The following TBC1D25 variants were observed in gnomAD, a reference collection of about 807,000 sequenced individuals.
The protein encoded by TBC1D25 is TBC1 domain family member 25, also known as 5SN3 snoRNA.
TBC1D25 carries 13 observed loss-of-function variants against 38.8 expected under a neutral mutation model. The observed-to-expected ratio is 0.34, with a 90% CI of 0.22 to 0.53. The LOEUF (loss-of-function observed/expected upper bound fraction) is 0.53. TBC1D25 is among the 20% of genes least tolerant of loss of function. The probability of loss-of-function intolerance (pLI) is 0.94; values close to 1 mark genes in which losing one functional copy is unlikely to be tolerated. For synonymous variants in TBC1D25, 225 were observed against 255.6 expected (o/e 0.88, Z 1.14); for missense variants, 372 against 600.0 (o/e 0.62, Z 3.97).
rs201208725 is a variant in TBC1D25 at position 48,560,841 on chromosome X, A to T, written c.1933A>T (p.Met645Leu). 1 of 1,211,442 alleles carries T rather than the reference A, an allele frequency of 8.3e-7. No individual in the cohort carries two copies. The highest frequency in any genetic ancestry group is 2.2e-5 in the Admixed American group (1 of 45,944). ...RNGLDYNELA[M>L]HFDRLVRKHH... ...TGGGCTGGATTATAATGAGCTGGCC[A>T]TGCACTTTGACCGCCTTGTGCGAAA... Residue 645 changes from methionine (M) to leucine (L), a missense_variant, in exon 6 of 6, where the codon ATG becomes TTG. By Grantham distance (15) the Met-to-Leu change is conservative (BLOSUM62 2). Transcript: ENST00000376771.
At chrX:48,548,265 GC>G (rs1412857387) in intron 3 of TBC1D25, among the ~76,000 whole-genome samples, 1 of 108,849 alleles carries the variant, frequency 9.2e-6, no homozygotes, top group African/African-American at 3.3e-5. Flanking sequence ...ATAGGCACAT[GC>G]CCCCATGCCC....
At chrX:48,550,948 C>T (rs1556983101) in intron 3 of TBC1D25, among the ~76,000 whole-genome samples, 2 of 111,415 alleles carry the variant, frequency 1.8e-5, no homozygotes, top group African/African-American at 6.5e-5. Flanking sequence ...CATGAGCCAC[C>T]GCGCCCAGCC....
At position 48,539,881 on chromosome X, in the gene TBC1D25, T is replaced by C; in HGVS notation, c.84T>C (p.Ala28=). The C allele has an allele frequency of 1.0e-6, 1 of 961,128 alleles. No individual in the cohort carries two copies. Among genetic ancestry groups the C allele is most frequent in the South Asian group, 4.7e-5 (1 of 21,099 alleles). 79.2% of individuals were successfully genotyped at this position (961,128 alleles called of 1,213,427 possible). A position where few individuals can be genotyped will look rare whatever the true frequency, so the allele number is the denominator to read the frequency against. The part of the protein sequence containing the change: ...PGVGAQAAAA[A]EEEEREVVRV... ...TGGGAGCTCAGGCGGCGGCGGCCGC[T>C]GAGGAGGAGGAGCGAGAGGTGGTGC... The change falls in exon 1 of 6, where the codon GCT becomes GCC. Residue 28 remains alanine, a synonymous_variant. Transcript: ENST00000376771.
At chrX:48,541,862 A>G (rs1287430441) in intron 2 of TBC1D25, among the ~76,000 whole-genome samples, 1 of 111,669 alleles carries the variant, frequency 9.0e-6, no homozygotes, top group Non-Finnish European at 1.9e-5. Flanking sequence ...ACAGTGTTCA[A>G]TAAATTACAT....
chrX:48,558,083 C>T (rs1464786318), intron 3 of TBC1D25, among the ~76,000 whole-genome samples: 2 of 105,603 alleles, frequency 1.9e-5, no homozygotes, highest in East Asian at 5.8e-4. Flanking sequence ...TGCATTCCAC[C>T]CTCGGTTACA....
At chrX:48,542,388 G>A (rs2061847274) in intron 2 of TBC1D25, among the ~76,000 whole-genome samples, 1 of 108,696 alleles carries the variant, frequency 9.2e-6, no homozygotes, top group African/African-American at 3.4e-5. Context: ...GGCTAGTCTC[G>A]AACACCTGAC....
chrX:48,546,292 T>C (rs1403636059), intron 3 of TBC1D25, among the ~76,000 whole-genome samples: 1 of 104,635 alleles, frequency 9.6e-6, no homozygotes, highest in East Asian at 3.1e-4. Context: ...GGCGGGCAGA[T>C]CACAAGGTCA....
At position 48,560,139 on chromosome X, in the gene TBC1D25, C is replaced by T; in HGVS notation, c.1231C>T (p.Leu411=). Residue 411 remains leucine, a synonymous_variant, in exon 6 of 6, where the codon CTG becomes TTG. Coordinates refer to ENST00000376771, the MANE Select transcript of TBC1D25 (RefSeq NM_002536.4). ...DDLFFCYRWL[L]LELKREFAFD... ...CCTCTTCTTCTGTTACCGCTGGCTGCTGCTGGAACTCAAGCGTGAGTTCGC... is the reference window on the plus strand; with the variant it reads ...CCTCTTCTTCTGTTACCGCTGGCTGTTGCTGGAACTCAAGCGTGAGTTCGC... 3.3e-6 allele frequency: 4 copies of T among 1,209,371 alleles called. No homozygotes were observed. The highest frequency in any genetic ancestry group is 4.5e-6 in the Non-Finnish European group (4 of 894,309).
chrX:48,561,048 C>T lies in TBC1D25; in HGVS notation c.*73C>T. 1 of 1,063,337 alleles carries T rather than the reference C, an allele frequency of 9.4e-7. No homozygotes were observed. The highest frequency in any genetic ancestry group is 3.1e-5 in the Admixed American group (1 of 31,903). 87.6% of individuals were successfully genotyped at this position (1,063,337 alleles called of 1,213,427 possible). ...TGCCATGAGGGCCAACACATGAGACCCCACCTCCCTCCCTGCCTGCCAGCC... is the reference window on the plus strand; with the variant it reads ...TGCCATGAGGGCCAACACATGAGACTCCACCTCCCTCCCTGCCTGCCAGCC... On this transcript the variant is annotated 3_prime_UTR_variant, in exon 6 of 6. Transcript: ENST00000376771.
rs1052031242 is a variant in TBC1D25, at chrX:48,540,361, C to T, written c.123+441C>T. ...AGACAACTAAAGAAATGAGATGCTT[C>T]GGACACTAAAATAATGAAAAAGGTT... On this transcript the variant is annotated intron_variant, in intron 1 of 5. Transcript: ENST00000376771. 2.7e-5 allele frequency among the ~76,000 whole-genome samples: 3 copies of T among 111,689 alleles called. 1 individual carries two copies. Among genetic ancestry groups the T allele is most frequent in the African/African-American group, 9.8e-5 (3 of 30,649 alleles).
chrX:48,552,897 C>A (rs1339864377), intron 3 of TBC1D25, among the ~76,000 whole-genome samples: 1 of 109,597 alleles, frequency 9.1e-6, no homozygotes, highest in African/African-American at 3.3e-5. Context: ...TCAAGCAATT[C>A]TCCTGCCTCA....
Position 48,543,336 on chromosome X carries a change from A to G in TBC1D25, c.234-1533A>G, listed in dbSNP as rs189323077. 6.4e-5 allele frequency among the ~76,000 whole-genome samples: 7 copies of G among 109,181 alleles called. No homozygotes were observed. In the East Asian group the frequency reaches 1.8e-3, roughly 28 times the overall value. The allele number at this position is 109,181 out of a possible 115,157, so 94.8% of individuals were successfully genotyped here. ...ATTGCAACCTCCACCTCCTGAGTTC[A>G]AGCAATTCTCCTGCCTCGGCCTCCT... On this transcript the variant is annotated intron_variant, in intron 2 of 5. Coordinates refer to ENST00000376771, the MANE Select transcript of TBC1D25 (RefSeq NM_002536.4).
chrX:48,553,978 C>G (rs1322580394), intron 3 of TBC1D25, among the ~76,000 whole-genome samples: 1 of 107,894 alleles, frequency 9.3e-6, no homozygotes, highest in Non-Finnish European at 1.9e-5. Context: ...CTCAGGAGTT[C>G]GAGACCAGCC....
chrX:48,555,162 T>C (rs782417098), intron 3 of TBC1D25, among the ~76,000 whole-genome samples: 1 of 111,161 alleles, frequency 9.0e-6, no homozygotes, highest in Non-Finnish European at 1.9e-5. Context: ...AGGTTTCTGG[T>C]CTATTAAACA....
At chrX:48,554,556 T>C (rs1188000495) in intron 3 of TBC1D25, among the ~76,000 whole-genome samples, 1 of 75,605 alleles carries the variant, frequency 1.3e-5, no homozygotes, top group African/African-American at 4.8e-5. Flanking sequence ...CAAGACTCCA[T>C]CTCAAAAAAA....
At chrX:48,558,861 T>A in intron 3 of TBC1D25, 36 bp from the exon 4 acceptor site, 3 of 1,209,299 alleles carry the variant, frequency 2.5e-6, no homozygotes, top group Non-Finnish European at 3.4e-6. Flanking sequence ...TGGGTTATCA[T>A]CCCCATTCTT....
chrX:48,546,853 G>A (rs1383992321), intron 3 of TBC1D25, among the ~76,000 whole-genome samples: 1 of 112,077 alleles, frequency 8.9e-6, no homozygotes, highest in Non-Finnish European at 1.9e-5. Flanking sequence ...TGTTAATAGA[G>A]GATCTAGATG....
intron 3 of TBC1D25, among the ~76,000 whole-genome samples, chrX:48,555,087 G>A (rs1053480860): frequency 3.6e-5 from 4 of 111,378 alleles, no homozygotes; most frequent in Non-Finnish European, 7.5e-5. Flanking sequence ...TGCAGTAGCC[G>A]TAGGACTTGG....
intron 3 of TBC1D25, among the ~76,000 whole-genome samples, chrX:48,555,750 CAG>C (rs2061970222): frequency 9.1e-6 from 1 of 109,762 alleles, no homozygotes. Context: ...GGCAGGGCAA[CAG>C]AGTGTTGGTG....
Sources: allele counts gnomAD v4.1 joint callset (sites outside exome capture counted in the v4.1 genomes callset), GRCh38; gene constraint gnomAD v4.1.1; transcripts MANE v1.5; gene names NCBI Gene and HGNC (gene_info 2026-07-23, HGNC 2026-07-21).